WDR27: variants seen among roughly 807,000 people sequenced by gnomAD.
WDR27 encodes WD repeat-containing protein 27.
WDR27 carries 100 observed loss-of-function variants against 114.4 expected under a neutral mutation model. That is an observed-to-expected ratio of 0.87 (90% CI 0.74 to 1.03). The LOEUF (loss-of-function observed/expected upper bound fraction) is 1.03, where lower values mean the gene tolerates loss of function less well. Among genes scored for constraint, WDR27 ranks in the 50% least tolerant of loss-of-function variants. The probability of loss-of-function intolerance (pLI) is 0.00; values close to 1 mark genes in which losing one functional copy is unlikely to be tolerated. For synonymous variants in WDR27, 449 were observed against 423.1 expected (o/e 1.06, Z -0.75); for missense variants, 1,129 against 1,092.9 (o/e 1.03, Z -0.47).
At position 169,649,185 on chromosome 6, in the gene WDR27, C is replaced by A; in HGVS notation, c.1559+13G>T. 1 of 1,560,716 alleles carries A rather than the reference C, an allele frequency of 6.4e-7. No individual in the cohort carries two copies. On this transcript the variant is annotated intron_variant, in intron 15 of 25. Transcript: ENST00000448612. ...ATTTCAAATGTACTTGGAATGCACG[C>A]TACATCACACACCGTGCGCAGCTGC...
intron 2 of WDR27, among the ~76,000 whole-genome samples, chr6:169,678,761 G>A (rs1355894432): frequency 2.6e-5 from 4 of 152,116 alleles, no homozygotes; most frequent in Non-Finnish European, 5.9e-5. Flanking sequence ...AAATCAAAAT[G>A]TTTTACCTCA....
intron 25 of WDR27, among the ~76,000 whole-genome samples, chr6:169,471,734 C>A (rs1425623423): frequency 3.3e-5 from 5 of 152,188 alleles, no homozygotes; most frequent in Non-Finnish European, 7.3e-5. Flanking sequence ...CCAATAATAT[C>A]TTAGGTGATC....
At chr6:169,586,435 T>C (rs1804576244) in intron 23 of WDR27, among the ~76,000 whole-genome samples, 2 of 107,706 alleles carry the variant, frequency 1.9e-5, no homozygotes, top group East Asian at 4.0e-4. Context: ...TAGGGTTCCA[T>C]GTGTAATGAC....
intron 25 of WDR27, among the ~76,000 whole-genome samples, chr6:169,530,026 G>A (rs1012751610): frequency 2.0e-5 from 3 of 152,166 alleles, no homozygotes; most frequent in Admixed American, 1.3e-4. Context: ...AAGAAATTGA[G>A]CAGAACTAAA....
In WDR27 at chr6:169,660,809, T is replaced by A. The variant is rs138347253; in HGVS notation, c.1026-43A>T. ...AGAAAAGAATACACAATAATCTTAT[T>A]CCTGAAGGTTGGGCCCCACGTGCGC... On this transcript the variant is annotated intron_variant, in intron 9 of 25. Transcript: ENST00000448612. 149 of 1,574,234 alleles carry A rather than the reference T, an allele frequency of 9.5e-5. 2 individuals are homozygous for A. In the Middle Eastern group the frequency reaches 1.0e-3, roughly 11 times the overall value.
At chr6:169,452,840 T>C (rs1784211027), downstream of WDR27, among the ~76,000 whole-genome samples, 1 of 152,244 alleles carries the variant, frequency 6.6e-6, no homozygotes, top group South Asian at 2.1e-4. Flanking sequence ...TTTTCGTAAT[T>C]TTCCCTTTCT....
At chr6:169,427,958 C>T in the WDR27 span, among the ~76,000 whole-genome samples, 4 of 152,144 alleles carry the variant, frequency 2.6e-5, no homozygotes, top group Admixed American at 6.5e-5. Flanking sequence ...AGGCTTTCAG[C>T]GGGAGGGGAG....
intron 25 of WDR27, among the ~76,000 whole-genome samples, chr6:169,485,887 C>T (rs952118340): frequency 1.3e-5 from 2 of 152,160 alleles, no homozygotes; most frequent in Non-Finnish European, 2.9e-5. Context: ...AGGCCATTAT[C>T]CTTAGCAAAC....
chr6:169,460,286 TATC>T (rs1179606623), intron 25 of WDR27, among the ~76,000 whole-genome samples: 1 of 152,218 alleles, frequency 6.6e-6, no homozygotes, highest in African/African-American at 2.4e-5. Flanking sequence ...AATTTTGTGA[TATC>T]AACAACTGAT....
At chr6:169,699,433 C>T (rs1009647029) in intron 1 of WDR27, among the ~76,000 whole-genome samples, 1 of 152,120 alleles carries the variant, frequency 6.6e-6, no homozygotes, top group African/African-American at 2.4e-5. Context: ...ACAGGAAGAA[C>T]GACAATGGCA....
At chr6:169,582,363 C>T (rs1384486413) in intron 24 of WDR27, among the ~76,000 whole-genome samples, 1 of 152,166 alleles carries the variant, frequency 6.6e-6, no homozygotes, top group African/African-American at 2.4e-5. Flanking sequence ...TGATTTGCAA[C>T]GGTTATTTTC....
At chr6:169,462,352 G>A (rs968140415) in intron 25 of WDR27, among the ~76,000 whole-genome samples, 5 of 151,936 alleles carry the variant, frequency 3.3e-5, no homozygotes, top group Admixed American at 6.6e-5. Context: ...AAGGAGAATC[G>A]CTTGAACCTG....
chr6:169,433,000 A>G, the WDR27 span, among the ~76,000 whole-genome samples: 1 of 152,250 alleles, frequency 6.6e-6, no homozygotes, highest in African/African-American at 2.4e-5. Context: ...AATAAAATCC[A>G]GGCTGAGGTA....
chr6:169,475,235 A>C (rs1293217679), intron 25 of WDR27, among the ~76,000 whole-genome samples: 4 of 152,170 alleles, frequency 2.6e-5, no homozygotes, highest in African/African-American at 9.7e-5. Flanking sequence ...TGATTGATTC[A>C]TTTTGAAACG....
chr6:169,677,605 A>G (rs1002173280), intron 2 of WDR27, among the ~76,000 whole-genome samples: 2 of 152,268 alleles, frequency 1.3e-5, no homozygotes, highest in Admixed American at 6.5e-5. Context: ...GCAACCATTT[A>G]CTTAAGATAT....
rs193072875 is a variant in WDR27 at position 169,519,976 on chromosome 6, C to G, written c.2645+52443G>C. Among the ~76,000 whole-genome samples the G allele has an allele frequency of 5.6e-3, 849 of 152,104 alleles. 6 individuals carry two copies. The highest frequency in any genetic ancestry group is 6.3e-3 in the Non-Finnish European group (426 of 67,990). On this transcript the variant is annotated intron_variant, in intron 25 of 25. Transcript: ENST00000448612. ...TGAGGTGGACGACCAGCTTCCCCAC[C>G]ATCTTGAACTACTTGACAGGAGACC... is the stretch of plus-strand genomic sequence containing the variant.
At chr6:169,468,963 C>T (rs1247030787) in intron 25 of WDR27, among the ~76,000 whole-genome samples, 3 of 152,082 alleles carry the variant, frequency 2.0e-5, no homozygotes. Context: ...CTTTCTTCTT[C>T]TTTTATAATG....
Position 169,602,310 on chromosome 6 carries a change from T to C in WDR27, c.2333A>G (p.His778Arg). ...GCCGCGGGTTGGATGCCCTTCAAAG[T>C]GGCGCTCACACCTACAGGGAGGAAA... Reference protein sequence around the residue: ...WDLRTLRCERHFEGHPTRGYP... With the variant: ...WDLRTLRCERRFEGHPTRGYP... Residue 778 changes from histidine (H) to arginine (R), a missense_variant, in exon 23 of 26, where the codon CAC (histidine) becomes CGC (arginine). Coordinates refer to ENST00000448612, the MANE Select transcript of WDR27 (RefSeq NM_182552.5). The C allele has an allele frequency of 6.4e-7, 1 of 1,551,230 alleles. No homozygotes were observed. The highest frequency in any genetic ancestry group is 8.7e-7 in the Non-Finnish European group (1 of 1,144,030).
intron 25 of WDR27, among the ~76,000 whole-genome samples, chr6:169,563,201 G>T (rs2982394): frequency 0.45 from 67,895 of 151,966 alleles, 18,856 homozygotes; most frequent in Non-Finnish European, 0.63. Flanking sequence ...GGCCTCCGAG[G>T]CTGCTCTGCC....
Sources: gnomAD v4.1 joint callset for allele counts (sites outside exome capture counted in the v4.1 genomes callset) on GRCh38, gnomAD v4.1.1 for gene constraint, MANE v1.5 for transcripts, NCBI Gene and HGNC (gene_info 2026-07-23, HGNC 2026-07-21) for gene names.